The following MED13L variants were observed in gnomAD, a reference collection of about 807,000 sequenced individuals.
MED13L encodes the protein mediator complex subunit 13L, also known as mediator of RNA polymerase II transcription subunit 13-like.
MED13L carries 7 observed loss-of-function variants against 220.9 expected under a neutral mutation model. The ratio of observed to expected loss-of-function variants is 0.03; its 90% CI spans 0.02 to 0.06. The LOEUF (loss-of-function observed/expected upper bound fraction) is 0.06, where lower values mean the gene tolerates loss of function less well. Ranked by LOEUF, MED13L falls within the 10% of genes least tolerant of loss-of-function variation. MED13L has a pLI of 1.00. For missense variants in MED13L, 1,965 were observed against 2,760.5 expected, an observed-to-expected ratio of 0.71 and a Z score of 6.46; for synonymous variants, 1,011 against 1,015.2, an observed-to-expected ratio of 1.00 and a Z score of 0.08.
intron 1 of MED13L, among the ~76,000 whole-genome samples, chr12:116,270,991 G>A (rs1192369327): frequency 3.2e-5 from 4 of 126,390 alleles, no homozygotes; most frequent in Non-Finnish European, 4.6e-5. Context: ...GCAGCGAGGC[G>A]ACTTCGCACC....
chr12:116,002,007 A>G (rs1231081147), intron 14 of MED13L, among the ~76,000 whole-genome samples: 1 of 152,032 alleles, frequency 6.6e-6, no homozygotes. Context: ...AAGAGGAAAA[A>G]CTCACTCATC....
At position 116,226,621 on chromosome 12, in the gene MED13L, C is replaced by A. The variant is rs542260693; in HGVS notation, c.310+10847G>T. Among the ~76,000 whole-genome samples, 952 of 152,284 alleles carry A rather than the reference C, an allele frequency of 6.3e-3. 9 individuals carry two copies. Among genetic ancestry groups the A allele is most frequent in the Middle Eastern group, 0.014 (4 of 294 alleles). On this transcript the variant is annotated intron_variant, in intron 2 of 30. Transcript: ENST00000281928. The stretch of plus-strand genomic sequence containing the variant: ...TGGCGGCTCACGCCTATAATCCCAG[C>A]GCTTTGGGAGGCCCAGGAGGGCAGA...
In MED13L at chr12:116,236,359, T is replaced by C. The variant is rs550235640; in HGVS notation, c.310+1109A>G. 5.3e-5 allele frequency among the ~76,000 whole-genome samples: 8 copies of C among 152,290 alleles called. No homozygotes were observed. In the South Asian group the frequency reaches 1.7e-3, roughly 32 times the overall value. ...GTGGTTTACCGCCCTCTGGCTGCTG[T>C]GGCAGGAGATATCACAGATAAAAAA... On this transcript the variant is annotated intron_variant, in intron 2 of 30. Coordinates refer to ENST00000281928, the MANE Select transcript of MED13L (RefSeq NM_015335.5).
At chr12:116,097,615 C>T (rs1322536345) in intron 3 of MED13L, among the ~76,000 whole-genome samples, 1 of 152,176 alleles carries the variant, frequency 6.6e-6, no homozygotes, top group East Asian at 1.9e-4. Context: ...TTGATTATGG[C>T]TTTGCAAGAA....
At chr12:116,056,009 G>A (rs1230486033) in intron 4 of MED13L, among the ~76,000 whole-genome samples, 2 of 152,092 alleles carry the variant, frequency 1.3e-5, no homozygotes, top group East Asian at 3.9e-4. Flanking sequence ...AGCTCCACGA[G>A]CAGACAACCA....
At chr12:116,229,480 A>T (rs1404397096) in intron 2 of MED13L, among the ~76,000 whole-genome samples, 2 of 152,212 alleles carry the variant, frequency 1.3e-5, no homozygotes, top group Non-Finnish European at 2.9e-5. Context: ...TTAGAACATA[A>T]GCCCTTTACA....
At chr12:116,228,102 C>T (rs951049677) in intron 2 of MED13L, among the ~76,000 whole-genome samples, 1 of 152,026 alleles carries the variant, frequency 6.6e-6, no homozygotes, top group Admixed American at 6.6e-5. Context: ...CAGAACAAGG[C>T]ACAAACTCTC....
In MED13L at chr12:115,984,369, A is replaced by C. The variant is rs1454130569; in HGVS notation, c.4342T>G (p.Cys1448Gly). 3 of 1,614,048 alleles carry C rather than the reference A, an allele frequency of 1.9e-6. No individual in the cohort carries two copies. The Admixed American group carries it at 5.0e-5, about 27-fold the overall frequency. The change falls in exon 20 of 31, where the codon TGT (cysteine) becomes GGT (glycine). Residue 1448 changes from cysteine (C) to glycine (G), a missense_variant. By Grantham distance (159) the Cys-to-Gly change is radical (BLOSUM62 -3). Coordinates refer to ENST00000281928, the MANE Select transcript of MED13L (RefSeq NM_015335.5). ...ATGGGCTTGTGCTGCCCAAGCCTAC[A>C]CATCTGATATCATAGACAAGATCAT... ...FRDLSAVYEM[C>G]RLGQHKPICK...
Position 116,008,924 on chromosome 12 carries a change from A to T in MED13L, c.1489T>A (p.Leu497Ile), listed in dbSNP as rs771825285. ...CCTGGTGTATCTTGCTCCATGCATA[A>T]TTCTTCGGCCACAGAGGGCCTATGG... ...FHHRPSVAEELCMEQDTPGQK... is the reference protein window; with the variant it reads ...FHHRPSVAEEICMEQDTPGQK... Residue 497 changes from leucine to isoleucine, a missense_variant, in exon 10 of 31, where the codon TTA becomes ATA. By Grantham distance (5) the Leu-to-Ile change is conservative (BLOSUM62 2). Coordinates refer to ENST00000281928, the MANE Select transcript of MED13L (RefSeq NM_015335.5). 1 of 1,614,086 alleles carries T rather than the reference A, an allele frequency of 6.2e-7. No homozygotes were observed. Among genetic ancestry groups the T allele is most frequent in the South Asian group, 1.1e-5 (1 of 91,082 alleles).
intron 2 of MED13L, among the ~76,000 whole-genome samples, chr12:116,209,467 T>TC (rs1305578385): frequency 6.6e-6 from 1 of 152,166 alleles, no homozygotes; most frequent in Non-Finnish European, 1.5e-5. Flanking sequence ...AGATGACTAT[T>TC]ACAACTGTGA....
intron 4 of MED13L, among the ~76,000 whole-genome samples, chr12:116,091,193 AG>A (rs1409973825): frequency 2.6e-5 from 4 of 152,094 alleles, no homozygotes; most frequent in African/African-American, 9.6e-5. Flanking sequence ...TTAAAAAACA[AG>A]GTATCTCTTT....
chr12:116,210,132 A>G (rs944450451), intron 2 of MED13L, among the ~76,000 whole-genome samples: 25 of 152,290 alleles, frequency 1.6e-4, no homozygotes, highest in African/African-American at 6.0e-4. Flanking sequence ...GGCAGGCAGA[A>G]AAGTCTTAAT....
intron 2 of MED13L, among the ~76,000 whole-genome samples, chr12:116,218,096 ATAAC>A (rs1883108801): frequency 1.3e-5 from 2 of 152,180 alleles, no homozygotes; most frequent in Non-Finnish European, 2.9e-5. Context: ...ATTCAATAGC[ATAAC>A]TATCTAATCA....
At chr12:116,134,935 T>C (rs1876400507) in intron 2 of MED13L, among the ~76,000 whole-genome samples, 2 of 152,078 alleles carry the variant, frequency 1.3e-5, no homozygotes, top group Non-Finnish European at 2.9e-5. Context: ...TTTGGGAGAC[T>C]GAGGCAGGCG....
intron 2 of MED13L, among the ~76,000 whole-genome samples, chr12:116,119,129 G>A (rs1874784944): frequency 1.3e-5 from 2 of 152,132 alleles, no homozygotes; most frequent in Non-Finnish European, 1.5e-5. Flanking sequence ...TCCTAATTGG[G>A]ATCAAATATA....
intron 2 of MED13L, among the ~76,000 whole-genome samples, chr12:116,118,778 T>C (rs117356123): frequency 0.016 from 2,441 of 152,274 alleles, 40 homozygotes; most frequent in Middle Eastern, 0.034. Context: ...TACTTGACCG[T>C]GTTATGTGTC....
At chr12:116,254,540 G>C (rs549196718) in intron 1 of MED13L, among the ~76,000 whole-genome samples, 10 of 152,146 alleles carry the variant, frequency 6.6e-5, no homozygotes, top group Admixed American at 3.9e-4. Flanking sequence ...CTTTAGGTCA[G>C]GAGTTCAAGA....
At chr12:116,051,465 A>C (rs1033011777) in intron 4 of MED13L, among the ~76,000 whole-genome samples, 29 of 152,232 alleles carry the variant, frequency 1.9e-4, no homozygotes, top group Non-Finnish European at 3.5e-4. Context: ...AACTCTGAGG[A>C]GTAAATGTTG....
At chr12:116,198,354 A>T (rs1414445592) in intron 2 of MED13L, among the ~76,000 whole-genome samples, 1 of 152,166 alleles carries the variant, frequency 6.6e-6, no homozygotes, top group Admixed American at 6.5e-5. Context: ...ACTTTAAAAA[A>T]AATTTTTTTT....
Sources: allele counts gnomAD v4.1 joint callset (sites outside exome capture counted in the v4.1 genomes callset), GRCh38; gene constraint gnomAD v4.1.1; transcripts MANE v1.5; gene names NCBI Gene and HGNC (gene_info 2026-07-23, HGNC 2026-07-21).